Variants in GLIS3 observed in about 807,000 individuals in gnomAD.
GLIS3 encodes zinc finger protein GLIS3.
In GLIS3, 53 loss-of-function variants were observed where a neutral mutation model predicts 78.6. The observed-to-expected ratio is 0.67, with a 90% CI of 0.54 to 0.85. GLIS3 has a LOEUF of 0.85. GLIS3 is among the 40% of genes least tolerant of loss of function. GLIS3 has a pLI of 0.00. For missense variants in GLIS3, 1,703 were observed against 1,231.1 expected, an observed-to-expected ratio of 1.38 and a Z score of -5.74; for synonymous variants, 684 against 509.9, an observed-to-expected ratio of 1.34 and a Z score of -4.60.
intron 6 of GLIS3, among the ~76,000 whole-genome samples, chr9:3,911,429 T>A (rs1824144677): frequency 6.6e-6 from 1 of 152,198 alleles, no homozygotes. Flanking sequence ...CTCGGCTGGC[T>A]ACCATGTACC....
chr9:4,124,711 C>T (rs1832439573), intron 3 of GLIS3, among the ~76,000 whole-genome samples: 1 of 151,990 alleles, frequency 6.6e-6, no homozygotes, highest in Admixed American at 6.6e-5. Flanking sequence ...CACAGAGATA[C>T]AAGAGGGGAG....
At chr9:4,449,211 T>C in the GLIS3 span, among the ~76,000 whole-genome samples, 6 of 152,214 alleles carry the variant, frequency 3.9e-5, no homozygotes, top group African/African-American at 1.4e-4. Flanking sequence ...AGAACCTTGC[T>C]TACTGCTAGT....
upstream of GLIS3, among the ~76,000 whole-genome samples, chr9:4,300,135 G>A (rs1157718944): frequency 1.3e-5 from 2 of 150,268 alleles, no homozygotes; most frequent in African/African-American, 4.9e-5. Context: ...GGAGGGGGAA[G>A]AGTGGGGGCG....
the GLIS3 span, among the ~76,000 whole-genome samples, chr9:4,431,091 C>G: frequency 2.0e-5 from 3 of 152,086 alleles, no homozygotes; most frequent in African/African-American, 7.2e-5. Flanking sequence ...TTTTTCCTAC[C>G]GTTCTTACTG....
chr9:3,859,645 A>T lies in GLIS3; in HGVS notation c.2298-3461T>A, dbSNP rs375594688. Reference sequence around the variant, plus strand: ...ACAGCGTGTCCAAGAGCCAGAAGAGACACCTTCTGACATCTTTTCTAGGTC... The same window carrying T: ...ACAGCGTGTCCAAGAGCCAGAAGAGTCACCTTCTGACATCTTTTCTAGGTC... On this transcript the variant is annotated intron_variant, in intron 8 of 10. Transcript: ENST00000381971. Among the ~76,000 whole-genome samples the T allele has an allele frequency of 5.3e-5, 8 of 152,190 alleles. No homozygotes were observed. The East Asian group carries it at 7.7e-4, about 15-fold the overall frequency.
rs541855593 is a variant in GLIS3 at position 4,293,762 on chromosome 9, T to A, written c.-99+5659A>T. 3.4e-4 allele frequency among the ~76,000 whole-genome samples: 52 copies of A among 152,354 alleles called. No individual in the cohort carries two copies. In the South Asian group the frequency reaches 0.011, roughly 31 times the overall value. ...AGTCTGATCTCTTTATCATGGAGCA[T>A]AGGACAGGATCTGATCTTGCATTGT... On this transcript the variant is annotated intron_variant, in intron 1 of 10. Transcript: ENST00000381971.
chr9:4,355,149 GAA>G, the GLIS3 span, among the ~76,000 whole-genome samples: 1 of 150,772 alleles, frequency 6.6e-6, no homozygotes, highest in Non-Finnish European at 1.5e-5. Flanking sequence ...AAAAGAAAAA[GAA>G]AAAGAAAAAA....
intron 2 of GLIS3, among the ~76,000 whole-genome samples, chr9:4,248,968 G>C (rs1348689862): frequency 2.6e-5 from 4 of 152,106 alleles, no homozygotes; most frequent in South Asian, 2.1e-4. Context: ...TGAGGCCTCT[G>C]TTCTGTTCCA....
chr9:4,132,215 G>C (rs531773835), intron 2 of GLIS3, among the ~76,000 whole-genome samples: 7 of 152,240 alleles, frequency 4.6e-5, no homozygotes, highest in African/African-American at 1.4e-4. Flanking sequence ...TTTGAAACAT[G>C]TGTTTACTGC....
At chr9:4,106,959 G>A (rs1482312089) in intron 4 of GLIS3, among the ~76,000 whole-genome samples, 1 of 152,018 alleles carries the variant, frequency 6.6e-6, no homozygotes, top group African/African-American at 2.4e-5. Context: ...CTTGAGATAG[G>A]GAGCATTTTC....
At chr9:4,234,094 C>A (rs552331760) in intron 2 of GLIS3, among the ~76,000 whole-genome samples, 17 of 151,836 alleles carry the variant, frequency 1.1e-4, no homozygotes, top group Non-Finnish European at 2.5e-4. Context: ...GTATGACTGT[C>A]CATCCAGACC....
intron 1 of GLIS3, among the ~76,000 whole-genome samples, chr9:4,295,258 G>GC (rs1287047277): frequency 1.3e-5 from 2 of 151,954 alleles, no homozygotes; most frequent in African/African-American, 4.8e-5. Context: ...TTAGTGGAAG[G>GC]AACGCCTCTG....
At chr9:4,085,869 G>A (rs939200847) in intron 4 of GLIS3, among the ~76,000 whole-genome samples, 1 of 152,140 alleles carries the variant, frequency 6.6e-6, no homozygotes, top group Non-Finnish European at 1.5e-5. Flanking sequence ...CTCCACAGAA[G>A]CACATGCCAC....
At chr9:3,961,376 C>A (rs1270127219) in intron 4 of GLIS3, among the ~76,000 whole-genome samples, 1 of 152,042 alleles carries the variant, frequency 6.6e-6, no homozygotes, top group African/African-American at 2.4e-5. Flanking sequence ...TGATATGTGA[C>A]CAAAATATAC....
At chr9:4,489,710 G>A in the GLIS3 span, among the ~76,000 whole-genome samples, 5 of 152,288 alleles carry the variant, frequency 3.3e-5, no homozygotes, top group African/African-American at 1.2e-4. Context: ...CGGCTCCCGG[G>A]TCCGGTTCTC....
At chr9:4,444,848 T>G in the GLIS3 span, among the ~76,000 whole-genome samples, 1 of 152,120 alleles carries the variant, frequency 6.6e-6, no homozygotes, top group Non-Finnish European at 1.5e-5. Flanking sequence ...CTTGGATAAA[T>G]TGTCTGAAAA....
chr9:4,435,856 G>A, the GLIS3 span, among the ~76,000 whole-genome samples: 2 of 152,212 alleles, frequency 1.3e-5, no homozygotes, highest in Non-Finnish European at 2.9e-5. Flanking sequence ...GGCTGAGGCA[G>A]GAGAATGGCA....
intron 4 of GLIS3, among the ~76,000 whole-genome samples, chr9:4,046,163 G>C (rs1187507488): frequency 6.6e-6 from 1 of 152,098 alleles, no homozygotes; most frequent in Admixed American, 6.6e-5. Flanking sequence ...TATAGAGGGG[G>C]GTGTAAAACT....
At chr9:4,453,690 C>G in the GLIS3 span, among the ~76,000 whole-genome samples, 11 of 152,266 alleles carry the variant, frequency 7.2e-5, no homozygotes, top group Admixed American at 2.0e-4. Context: ...GAGTTCATGT[C>G]CTTTGCAGGG....
Sources: gnomAD v4.1 joint callset for allele counts (sites outside exome capture counted in the v4.1 genomes callset) on GRCh38, gnomAD v4.1.1 for gene constraint, MANE v1.5 for transcripts, NCBI Gene and HGNC (gene_info 2026-07-23, HGNC 2026-07-21) for gene names.